Variants in BRDT observed in about 807,000 individuals in gnomAD.
BRDT encodes the protein bromodomain testis associated.
BRDT carries 77 observed loss-of-function variants against 113.9 expected under a neutral mutation model. The ratio of observed to expected loss-of-function variants is 0.68; its 90% CI spans 0.56 to 0.82. The LOEUF is 0.82. BRDT is among the 40% of genes least tolerant of loss of function. The pLI, the probability that BRDT is intolerant of heterozygous loss-of-function variation, is 0.00. For missense variants in BRDT, 1,027 were observed against 1,105.4 expected, an observed-to-expected ratio of 0.93 and a Z score of 1.01; for synonymous variants, 358 against 366.5, an observed-to-expected ratio of 0.98 and a Z score of 0.26.
At chr1:91,996,122 G>A (rs549232710) in intron 15 of BRDT, among the ~76,000 whole-genome samples, 1 of 151,986 alleles carries the variant, frequency 6.6e-6, no homozygotes, top group South Asian at 2.1e-4. Flanking sequence ...ATAGCTATAG[G>A]TCATGAGTTA....
chr1:91,993,283 G>T (rs1156913330), intron 14 of BRDT, among the ~76,000 whole-genome samples: 1 of 152,166 alleles, frequency 6.6e-6, no homozygotes, highest in Non-Finnish European at 1.5e-5. Flanking sequence ...GTTAGACAAA[G>T]GAGAAAGACT....
intron 12 of BRDT, among the ~76,000 whole-genome samples, chr1:91,984,894 C>G (rs541464113): frequency 1.3e-5 from 2 of 152,294 alleles, no homozygotes; most frequent in African/African-American, 4.8e-5. Flanking sequence ...CCAGCTCGGC[C>G]TCCCAAAGTG....
At chr1:91,978,454 T>C (rs1009926827) in intron 7 of BRDT, among the ~76,000 whole-genome samples, 158 bp downstream of exon 7, 1 of 152,222 alleles carries the variant, frequency 6.6e-6, no homozygotes, top group African/African-American at 2.4e-5. Flanking sequence ...AAACAGTTTA[T>C]GAATTATACT....
chr1:91,969,192 G>A (rs1009102821), intron 4 of BRDT, among the ~76,000 whole-genome samples: 2 of 151,836 alleles, frequency 1.3e-5, no homozygotes, highest in Non-Finnish European at 2.9e-5. Context: ...TGCCTGCCTC[G>A]GCCTCCCAAA....
intron 12 of BRDT, among the ~76,000 whole-genome samples, chr1:91,989,207 A>AT (rs1360090264): frequency 1.3e-5 from 2 of 151,758 alleles, no homozygotes; most frequent in South Asian, 4.2e-4. Flanking sequence ...GGTATGTCAT[A>AT]TTTGTACTAA....
intron 12 of BRDT, among the ~76,000 whole-genome samples, chr1:91,988,638 T>C (rs184516993): frequency 2.4e-3 from 368 of 152,184 alleles, no homozygotes; most frequent in African/African-American, 8.4e-3. Flanking sequence ...TGACCTCAGG[T>C]GATCAGCCTG....
intron 16 of BRDT, among the ~76,000 whole-genome samples, chr1:92,003,136 G>A (rs1424963391): frequency 6.6e-6 from 1 of 152,132 alleles, no homozygotes; most frequent in African/African-American, 2.4e-5. Context: ...CAACTTACAG[G>A]AAAGCACAAC....
At chr1:91,984,733 G>A (rs1316357877) in intron 12 of BRDT, among the ~76,000 whole-genome samples, 1 of 151,998 alleles carries the variant, frequency 6.6e-6, no homozygotes, top group Non-Finnish European at 1.5e-5. Flanking sequence ...CTGGGCTCAA[G>A]CCATCCTCCT....
At chr1:91,977,976 C>G (rs1684316695) in intron 6 of BRDT, among the ~76,000 whole-genome samples, 192 bp from the exon 7 acceptor site, 1 of 152,122 alleles carries the variant, frequency 6.6e-6, no homozygotes, top group African/African-American at 2.4e-5. Flanking sequence ...TGTCAAAATT[C>G]ACTGGATTTT....
At position 91,965,523 on chromosome 1, in the gene BRDT, C is replaced by A. The variant is rs538429111; in HGVS notation, c.330+759C>A. Among the ~76,000 whole-genome samples the A allele has an allele frequency of 2.0e-5, 3 of 152,240 alleles. No individual in the cohort carries two copies. The South Asian group carries it at 6.2e-4, about 32-fold the overall frequency. On this transcript the variant is annotated intron_variant, in intron 3 of 18. Transcript: ENST00000399546. ...TAACCTAAAAAGCCAAACCAATTGC[C>A]TACTTCTAAACTTCACAAGTTGATT...
At chr1:91,988,938 T>G (rs926946717) in intron 12 of BRDT, among the ~76,000 whole-genome samples, 1 of 152,114 alleles carries the variant, frequency 6.6e-6, no homozygotes, top group Non-Finnish European at 1.5e-5. Flanking sequence ...ATAGTAGGTG[T>G]TTTTATTTTT....
At position 91,962,931 on chromosome 1, in the gene BRDT, G is replaced by C. The variant is rs149333024; in HGVS notation, c.177G>C (p.Val59=). 13 of 1,596,032 alleles carry C rather than the reference G, an allele frequency of 8.1e-6. No homozygotes were observed. The highest frequency in any genetic ancestry group is 1.1e-5 in the Non-Finnish European group (13 of 1,173,902). The change falls in exon 2 of 19, where the codon GTG becomes GTC. Residue 59 remains valine, a synonymous_variant. Transcript: ENST00000399546. The part of the protein sequence containing the change: ...SWPFQRPVDA[V]KLQLPDYYTI... ...CCTTTCAACGTCCTGTGGATGCTGT[G>C]AAACTACAGTTGCCTGTATGTATGT...
Position 91,954,271 on chromosome 1 carries a change from ATTTTT to A in BRDT, c.-38+4611_-38+4615del, listed in dbSNP as rs34674557. On this transcript the variant is annotated intron_variant, in intron 1 of 18. Coordinates refer to ENST00000399546, the MANE Select transcript of BRDT (RefSeq NM_207189.4). ...TTAGGTGCGAGCCACGGTGCTCGGC[ATTTTT>A]TTTTTTTTTTTTTTTTTTTTTGAGG... Among the ~76,000 whole-genome samples the A allele has an allele frequency of 4.9e-3, 387 of 79,792 alleles. 3 individuals are homozygous for A. Among genetic ancestry groups the A allele is most frequent in the Middle Eastern group, 0.016 (2 of 126 alleles). 52.3% of individuals were successfully genotyped at this position (79,792 alleles called of 152,430 possible). A position where few individuals can be genotyped will look rare whatever the true frequency, so the allele number is the denominator to read the frequency against.
chr1:91,961,663 T>C (rs1360121458), intron 1 of BRDT, among the ~76,000 whole-genome samples: 1 of 152,008 alleles, frequency 6.6e-6, no homozygotes, highest in Non-Finnish European at 1.5e-5. Flanking sequence ...TTAATCACTT[T>C]TTTCAAATTA....
intron 7 of BRDT, among the ~76,000 whole-genome samples, chr1:91,978,607 GAT>G (rs1479380630): frequency 6.6e-6 from 1 of 152,130 alleles, no homozygotes; most frequent in East Asian, 1.9e-4. Context: ...GTAGATAGAT[GAT>G]ATATAGGGTT....
intron 1 of BRDT, among the ~76,000 whole-genome samples, chr1:91,955,372 T>C (rs1023225121): frequency 1.3e-5 from 2 of 152,064 alleles, no homozygotes; most frequent in Non-Finnish European, 2.9e-5. Flanking sequence ...AAGAATCGCT[T>C]GAACCCGGGA....
At position 92,002,841 on chromosome 1, in the gene BRDT, T is replaced by A. The variant is rs79225942; in HGVS notation, c.2388+692T>A. ...TTAATCTTCAAATTATATACTGATA[T>A]CATTCTTTCAACAAATATTCTAGAT... On this transcript the variant is annotated intron_variant, in intron 16 of 18. Transcript: ENST00000399546. Among the ~76,000 whole-genome samples, 761 of 152,322 alleles carry A rather than the reference T, an allele frequency of 5.0e-3. 7 individuals carry two copies. The highest frequency in any genetic ancestry group is 9.0e-3 in the Non-Finnish European group (615 of 68,030).
At position 92,014,228 on chromosome 1, in the gene BRDT, C is replaced by A; in HGVS notation, c.2798C>A (p.Thr933Asn). Residue 933 changes from threonine (T) to asparagine (N), a missense_variant, in exon 19 of 19, where the codon ACC becomes AAC. Thr to Asn is a moderately conservative substitution (Grantham distance 65). Coordinates refer to ENST00000399546, the MANE Select transcript of BRDT (RefSeq NM_207189.4). ...REAMVGTIDM[T>N]LQSDIMTMFE... ...CAGATGGTGGGTACCATTGATATGA[C>A]CCTTCAAAGTGACATTATGACAATG... 1 of 1,590,688 alleles carries A rather than the reference C, an allele frequency of 6.3e-7. No homozygotes were observed. Among genetic ancestry groups the A allele is most frequent in the African/African-American group, 1.4e-5 (1 of 73,780 alleles).
chr1:91,981,378 A>G lies in BRDT; in HGVS notation c.1861A>G (p.Lys621Glu). ...NQLNSRKRQT[K>E]SDKTQPSKAV... is the part of the protein sequence containing the mutation. ...GTTAAATTCTAGAAAACGTCAAACA[A>G]AATGTAGGTGGCAGTTTTTGTTTGT... Residue 621 changes from lysine to glutamate, a missense_variant, in exon 11 of 19, where the codon AAA becomes GAA. Lys to Glu is a moderately conservative substitution (Grantham distance 56, BLOSUM62 1). Coordinates refer to ENST00000399546, the MANE Select transcript of BRDT (RefSeq NM_207189.4). The G allele has an allele frequency of 6.2e-7, 1 of 1,610,562 alleles. No homozygotes were observed. Among genetic ancestry groups the G allele is most frequent in the Non-Finnish European group, 8.5e-7 (1 of 1,177,322 alleles).
Sources: allele counts gnomAD v4.1 joint callset (sites outside exome capture counted in the v4.1 genomes callset), GRCh38; gene constraint gnomAD v4.1.1; transcripts MANE v1.5; gene names NCBI Gene and HGNC (gene_info 2026-07-23, HGNC 2026-07-21).